The following SUGCT variants were observed in gnomAD, a reference collection of about 807,000 sequenced individuals.
SUGCT encodes succinyl-CoA:glutarate-CoA transferase, also known as succinyl-CoA:glutarate CoA-transferase.
SUGCT carries 41 observed loss-of-function variants against 55.0 expected under a neutral mutation model. The observed-to-expected ratio is 0.74, with a 90% CI of 0.58 to 0.97. The LOEUF is 0.97. Ranked by LOEUF, SUGCT falls within the 50% of genes least tolerant of loss-of-function variation. The probability of loss-of-function intolerance (pLI) is 0.00; values close to 1 mark genes in which losing one functional copy is unlikely to be tolerated. For synonymous variants in SUGCT, 187 were observed against 200.4 expected, an observed-to-expected ratio of 0.93 and a Z score of 0.56; for missense variants, 568 against 547.8, an observed-to-expected ratio of 1.04 and a Z score of -0.37.
chr7:40,136,028 G>T (rs1267969670), intron 1 of SUGCT, among the ~76,000 whole-genome samples: 2 of 146,456 alleles, frequency 1.4e-5, no homozygotes, highest in African/African-American at 5.1e-5. Flanking sequence ...AGACAGTCTC[G>T]CTCTGTCGCC....
intron 12 of SUGCT, among the ~76,000 whole-genome samples, chr7:40,502,358 ACCC>A (rs1792329549): frequency 6.6e-6 from 1 of 152,066 alleles, no homozygotes; most frequent in Non-Finnish European, 1.5e-5. Flanking sequence ...GCATTTTGCA[ACCC>A]AGAATAAAGA....
At chr7:40,209,990 T>G (rs571031065) in intron 6 of SUGCT, among the ~76,000 whole-genome samples, 106 of 152,288 alleles carry the variant, frequency 7.0e-4, no homozygotes, top group African/African-American at 2.2e-3. Flanking sequence ...AATCTTCACC[T>G]TAGTTAGATG....
At chr7:40,422,494 C>T (rs115376463) in intron 9 of SUGCT, among the ~76,000 whole-genome samples, 390 of 152,234 alleles carry the variant, frequency 2.6e-3, no homozygotes, top group Middle Eastern at 0.017. Flanking sequence ...TTTTGTCTGG[C>T]ATTGTATATG....
chr7:40,371,875 A>G (rs1784310090), intron 9 of SUGCT, among the ~76,000 whole-genome samples: 1 of 151,876 alleles, frequency 6.6e-6, no homozygotes, highest in Admixed American at 6.6e-5. Context: ...GTTCACTGGA[A>G]TTTCTTTCTA....
chr7:40,165,386 C>G (rs1287883969), intron 1 of SUGCT, among the ~76,000 whole-genome samples: 2 of 152,058 alleles, frequency 1.3e-5, no homozygotes, highest in African/African-American at 4.8e-5. Context: ...GTCTAAACCC[C>G]AGGGCCAAGT....
intron 9 of SUGCT, among the ~76,000 whole-genome samples, chr7:40,369,104 A>T (rs1279218410): frequency 7.4e-6 from 1 of 135,960 alleles, no homozygotes. Context: ...ACTCTATCTT[A>T]AAAAAAAAAA....
At chr7:40,543,405 A>G (rs1794810301) in intron 12 of SUGCT, among the ~76,000 whole-genome samples, 1 of 152,238 alleles carries the variant, frequency 6.6e-6, no homozygotes, top group South Asian at 2.1e-4. Context: ...TCTTGATAAA[A>G]TAATTTAAAA....
At chr7:40,185,115 G>A (rs1008495146) in intron 3 of SUGCT, among the ~76,000 whole-genome samples, 4 of 152,198 alleles carry the variant, frequency 2.6e-5, no homozygotes, top group African/African-American at 9.6e-5. Flanking sequence ...TGTTTATTCA[G>A]CTAATGATGT....
At chr7:40,766,247 G>A (rs1223908259) in intron 13 of SUGCT, among the ~76,000 whole-genome samples, 2 of 152,170 alleles carry the variant, frequency 1.3e-5, no homozygotes, top group Non-Finnish European at 1.5e-5. Context: ...GTCTCACACT[G>A]TTGTCCCAGC....
intron 12 of SUGCT, among the ~76,000 whole-genome samples, chr7:40,497,260 C>G (rs1416555326): frequency 6.6e-6 from 1 of 152,104 alleles, no homozygotes; most frequent in Non-Finnish European, 1.5e-5. Context: ...AAATAAATTA[C>G]TGAGCATAGA....
At chr7:40,925,880 G>A in the SUGCT span, among the ~76,000 whole-genome samples, 1 of 152,090 alleles carries the variant, frequency 6.6e-6, no homozygotes, top group East Asian at 1.9e-4. Context: ...GACTGCTTGA[G>A]TCCAGGAGTT....
Position 40,714,749 on chromosome 7 carries a change from A to G in SUGCT, c.1090-34685A>G, listed in dbSNP as rs1457947004. On this transcript the variant is annotated intron_variant, in intron 12 of 13. Coordinates refer to ENST00000335693, the MANE Select transcript of SUGCT (RefSeq NM_001193313.2). ...CTAGACATTTTTAAAGCTGATTGTA[A>G]TACCCTGGAAAAGCTAGAAACTTCT... Among the ~76,000 whole-genome samples, 10 of 152,330 alleles carry G rather than the reference A, an allele frequency of 6.6e-5. No individual in the cohort carries two copies. In the South Asian group the frequency reaches 1.9e-3, roughly 28 times the overall value.
At chr7:40,377,427 T>C (rs1044334745) in intron 9 of SUGCT, among the ~76,000 whole-genome samples, 6 of 150,752 alleles carry the variant, frequency 4.0e-5, no homozygotes, top group Non-Finnish European at 8.9e-5. Flanking sequence ...ATTTTTAGTA[T>C]AGATGGGGTT....
At chr7:40,603,083 T>C (rs1195325141) in intron 12 of SUGCT, among the ~76,000 whole-genome samples, 3 of 152,208 alleles carry the variant, frequency 2.0e-5, no homozygotes, top group Non-Finnish European at 4.4e-5. Context: ...AAATATATTC[T>C]TCACTTACAG....
chr7:40,316,961 T>TTTTTG, intron 9 of SUGCT, 106 bp downstream of exon 9: 4 of 527,088 alleles, frequency 7.6e-6, no homozygotes, highest in Non-Finnish European at 9.8e-6. Flanking sequence ...AGCTGTTTTT[T>TTTTTG]TTTTTTTTTT....
At chr7:40,750,257 A>T (rs994936094) in intron 13 of SUGCT, among the ~76,000 whole-genome samples, 13 of 152,124 alleles carry the variant, frequency 8.5e-5, no homozygotes, top group African/African-American at 2.9e-4. Flanking sequence ...TTTTTTCTCT[A>T]TTCCAGGCAT....
At chr7:40,285,182 T>G (rs1424127006) in intron 8 of SUGCT, among the ~76,000 whole-genome samples, 1 of 152,156 alleles carries the variant, frequency 6.6e-6, no homozygotes, top group Non-Finnish European at 1.5e-5. Context: ...CAAATGTTCT[T>G]AAACAATAGA....
chr7:40,657,885 A>C (rs1316953943), intron 12 of SUGCT, among the ~76,000 whole-genome samples: 1 of 152,232 alleles, frequency 6.6e-6, no homozygotes, highest in African/African-American at 2.4e-5. Flanking sequence ...CTAACGTGAA[A>C]GAAGATAAAT....
At chr7:40,988,016 G>A in the SUGCT span, among the ~76,000 whole-genome samples, 1 of 151,632 alleles carries the variant, frequency 6.6e-6, no homozygotes, top group African/African-American at 2.4e-5. Context: ...GTGGATCCAG[G>A]GAGTGGAATG....
Sources: allele counts gnomAD v4.1 joint callset (sites outside exome capture counted in the v4.1 genomes callset), GRCh38; gene constraint gnomAD v4.1.1; transcripts MANE v1.5; gene names NCBI Gene and HGNC (gene_info 2026-07-23, HGNC 2026-07-21).